The following MYO9A variants were observed in gnomAD, a reference collection of about 807,000 sequenced individuals.
MYO9A encodes the protein unconventional myosin-IXa.
A neutral mutation model predicts 293.3 loss-of-function variants in MYO9A; 103 were observed. That is an observed-to-expected ratio of 0.35 (90% CI 0.30 to 0.41). MYO9A has a LOEUF of 0.41. Among genes scored for constraint, MYO9A ranks in the 10% least tolerant of loss-of-function variants. The pLI, the probability that MYO9A is intolerant of heterozygous loss-of-function variation, is 1.00. For missense variants in MYO9A, 2,685 were observed against 3,033.0 expected (o/e 0.89, Z 2.69); for synonymous variants, 1,001 against 1,035.7 (o/e 0.97, Z 0.64).
chr15:72,064,157 A>T (rs1276690585), intron 1 of MYO9A, among the ~76,000 whole-genome samples: 3 of 152,216 alleles, frequency 2.0e-5, no homozygotes, highest in Non-Finnish European at 4.4e-5. Flanking sequence ...TGGTTATCAG[A>T]GGCTGGGAAG....
chr15:71,859,935 C>A, intron 33 of MYO9A, 139 bp from the exon 34 acceptor site: 2 of 629,004 alleles, frequency 3.2e-6, no homozygotes, highest in South Asian at 2.3e-5. Flanking sequence ...ATACTTTGTA[C>A]AATGGTGTAA....
intron 3 of MYO9A, among the ~76,000 whole-genome samples, chr15:72,032,055 C>T (rs1397821263): frequency 2.0e-5 from 3 of 151,964 alleles, no homozygotes; most frequent in East Asian, 1.9e-4. Context: ...TACAGGTTTG[C>T]GCCACTGTGC....
chr15:72,118,227 G>C (rs2081080055), upstream of MYO9A: 1 of 346,512 alleles, frequency 2.9e-6, no homozygotes, highest in East Asian at 4.3e-5. Flanking sequence ...CGCCACTGGA[G>C]AGTACAGCGT....
At chr15:72,015,528 C>T (rs2077305558) in intron 6 of MYO9A, among the ~76,000 whole-genome samples, 1 of 152,142 alleles carries the variant, frequency 6.6e-6, no homozygotes, top group African/African-American at 2.4e-5. Flanking sequence ...AATCCCTTTG[C>T]AGCATGGTGG....
chr15:72,041,449 C>CT, intron 2 of MYO9A: 2 of 339,156 alleles, frequency 5.9e-6, no homozygotes, highest in Non-Finnish European at 1.1e-5. Context: ...TCTTCTTCTT[C>CT]TTTTTTTCCC....
At chr15:72,012,965 A>T (rs1021330601) in intron 6 of MYO9A, among the ~76,000 whole-genome samples, 2 of 151,990 alleles carry the variant, frequency 1.3e-5, no homozygotes, top group Non-Finnish European at 2.9e-5. Flanking sequence ...ATCATAGTTT[A>T]AAAAAAATGT....
At position 71,977,483 on chromosome 15, in the gene MYO9A, C is replaced by T. The variant is rs562955761; in HGVS notation, c.1844+688G>A. 4.5e-4 allele frequency among the ~76,000 whole-genome samples: 68 copies of T among 152,254 alleles called. No homozygotes were observed. The South Asian group carries it at 6.2e-3, about 14-fold the overall frequency. On this transcript the variant is annotated intron_variant, in intron 12 of 41. Coordinates refer to ENST00000356056, the MANE Select transcript of MYO9A (RefSeq NM_006901.4). ...AACTCCTGGCCTCAAGTGCTCCTCC[C>T]GCCTTGGCATCCCAAAGTGTTGAGA...
intron 32 of MYO9A, among the ~76,000 whole-genome samples, chr15:71,868,147 A>C (rs954807159): frequency 1.3e-4 from 20 of 152,200 alleles, no homozygotes; most frequent in African/African-American, 4.3e-4. Flanking sequence ...TCTGTGGAAC[A>C]ATCTGCTTCC....
chr15:71,898,726 C>G lies in MYO9A; in HGVS notation c.3777G>C (p.Leu1259Phe), dbSNP rs761494797. 39 of 1,614,048 alleles carry G rather than the reference C, an allele frequency of 2.4e-5. No homozygotes were observed. Among genetic ancestry groups the G allele is most frequent in the Non-Finnish European group, 3.3e-5 (39 of 1,180,000 alleles). ...CTACTTTTTTCTGATGGAGATCCTC[C>G]AAGGATCTGGGTCTCTCTCTTACAA... ...DVLVRERPRSLEDLHQKKVGR... is the reference protein window; with the variant it reads ...DVLVRERPRSFEDLHQKKVGR... The change falls in exon 25 of 42, where the codon TTG becomes TTC. Residue 1259 changes from leucine (L) to phenylalanine (F), a missense_variant. Leu to Phe is a conservative substitution (Grantham distance 22). This residue lies in a region of MYO9A where 1,434 missense variants were observed against 1,497.7 expected (regional missense o/e 0.96). Transcript: ENST00000356056.
At chr15:71,951,705 G>T in intron 15 of MYO9A, 72 bp downstream of exon 15, 1 of 1,576,582 alleles carries the variant, frequency 6.3e-7, no homozygotes, top group Non-Finnish European at 8.7e-7. Context: ...ATCCCACCCT[G>T]GTGTAGGATG....
At chr15:71,924,754 C>T (rs896409303) in intron 18 of MYO9A, among the ~76,000 whole-genome samples, 103 of 152,008 alleles carry the variant, frequency 6.8e-4, no homozygotes, top group African/African-American at 2.4e-3. Flanking sequence ...AACCCCATCT[C>T]TACTAACTAC....
intron 2 of MYO9A, among the ~76,000 whole-genome samples, chr15:72,037,557 G>A (rs1263831422): frequency 6.6e-6 from 1 of 152,026 alleles, no homozygotes; most frequent in African/African-American, 2.4e-5. Context: ...AGTAAAGACT[G>A]GAGGCCTTAA....
At chr15:71,994,040 A>C (rs1032613468) in intron 10 of MYO9A, among the ~76,000 whole-genome samples, 1 of 152,000 alleles carries the variant, frequency 6.6e-6, no homozygotes, top group African/African-American at 2.4e-5. Flanking sequence ...AATATTTGTT[A>C]CAGCATTGTT....
intron 39 of MYO9A, among the ~76,000 whole-genome samples, chr15:71,836,170 C>G (rs1027313417): frequency 3.3e-5 from 5 of 151,976 alleles, no homozygotes; most frequent in African/African-American, 1.2e-4. Context: ...AGAATCCCTA[C>G]AGAACATCAG....
At chr15:71,840,462 T>G (rs139555205) in intron 39 of MYO9A, among the ~76,000 whole-genome samples, 1 of 152,122 alleles carries the variant, frequency 6.6e-6, no homozygotes, top group Non-Finnish European at 1.5e-5. Flanking sequence ...ATGGTAGTCA[T>G]ATGAGTCTGA....
intron 32 of MYO9A, among the ~76,000 whole-genome samples, chr15:71,874,376 G>A (rs1301973136): frequency 2.0e-5 from 3 of 152,178 alleles, no homozygotes; most frequent in Admixed American, 6.5e-5. Context: ...GATAGGAGGA[G>A]GAGGGGAAGT....
intron 19 of MYO9A, among the ~76,000 whole-genome samples, chr15:71,906,018 G>A (rs2057626329): frequency 6.6e-6 from 1 of 151,948 alleles, no homozygotes; most frequent in Non-Finnish European, 1.5e-5. Context: ...TTGGAGCACT[G>A]CTTTAGCTGC....
intron 12 of MYO9A, among the ~76,000 whole-genome samples, chr15:71,976,212 G>A (rs758103417): frequency 1.3e-5 from 2 of 152,006 alleles, no homozygotes; most frequent in Non-Finnish European, 2.9e-5. Context: ...GCTTATTAGT[G>A]GGGAAAAAAC....
chr15:72,026,915 C>A lies in MYO9A; in HGVS notation c.998+816G>T, dbSNP rs1464858496. On this transcript the variant is annotated intron_variant, in intron 4 of 41. Transcript: ENST00000356056. Reference sequence around the variant, plus strand: ...CCACAGATGAAACAAAAAGTCTGAACAGATCTATAATAACTAAAGTGTTTC... The same window carrying A: ...CCACAGATGAAACAAAAAGTCTGAAAAGATCTATAATAACTAAAGTGTTTC... Among the ~76,000 whole-genome samples the A allele has an allele frequency of 1.3e-5, 2 of 152,116 alleles. 1 individual carries two copies. The highest frequency in any genetic ancestry group is 4.8e-5 in the African/African-American group (2 of 41,426).
Sources: gnomAD v4.1 joint callset for allele counts (sites outside exome capture counted in the v4.1 genomes callset) on GRCh38, gnomAD v4.1.1 for gene constraint, gnomAD v4.1.1 regional missense constraint, MANE v1.5 for transcripts, NCBI Gene and HGNC (gene_info 2026-07-23, HGNC 2026-07-21) for gene names.